Variants in CEP85L observed in about 807,000 individuals in gnomAD.
The protein encoded by CEP85L is centrosomal protein of 85 kDa-like.
A neutral mutation model predicts 100.3 loss-of-function variants in CEP85L; 60 were observed. The ratio of observed to expected loss-of-function variants is 0.60; its 90% confidence interval spans 0.49 to 0.74. The LOEUF (loss-of-function observed/expected upper bound fraction) is 0.74, where lower values mean the gene tolerates loss of function less well. Among genes scored for constraint, CEP85L ranks in the 30% least tolerant of loss-of-function variants. CEP85L has a pLI of 0.00. For missense variants in CEP85L, 973 were observed against 936.2 expected, an observed-to-expected ratio of 1.04 and a Z score of -0.51; for synonymous variants, 319 against 322.7, an observed-to-expected ratio of 0.99 and a Z score of 0.12.
Position 118,565,822 on chromosome 6 carries a change from A to T in CEP85L, c.727T>A (p.Ser243Thr). The T allele has an allele frequency of 6.2e-7, 1 of 1,614,110 alleles. No homozygotes were observed. The change falls in exon 3 of 13, where the codon TCT (serine) becomes ACT (threonine). Residue 243 changes from serine to threonine, a missense_variant. Physicochemically the swap from Ser to Thr is moderately conservative, Grantham distance 58. Around this residue, in one of 3 missense-constraint regions of CEP85L, gnomAD observed 890 missense variants for 844.5 expected, o/e 1.05. Transcript: ENST00000368491. ...GGCTGTCTCCTAAGAGTAGAGGAAG[A>T]GGCTCTAAAGTCCTCCTTGCTACAG... ...ESCSKEDFRA[S>T]SSTLRRQPVD...
chr6:118,622,171 G>A (rs1478972152), intron 2 of CEP85L, among the ~76,000 whole-genome samples: 1 of 152,184 alleles, frequency 6.6e-6, no homozygotes, highest in South Asian at 2.1e-4. Context: ...TAGTATCAGA[G>A]ACTATCAAAA....
At chr6:118,637,592 G>A (rs879091350) in intron 1 of CEP85L, among the ~76,000 whole-genome samples, 1 of 148,558 alleles carries the variant, frequency 6.7e-6, no homozygotes, top group East Asian at 2.0e-4. Flanking sequence ...GCACATGCCT[G>A]TAGTCTCAGC....
At chr6:118,601,174 C>T (rs529412881) in intron 2 of CEP85L, among the ~76,000 whole-genome samples, 2 of 152,302 alleles carry the variant, frequency 1.3e-5, no homozygotes, top group African/African-American at 4.8e-5. Context: ...ACAGTGCCTA[C>T]CTCATATGGT....
upstream of CEP85L, chr6:118,651,733 C>T: frequency 1.0e-6 from 1 of 986,642 alleles, no homozygotes; most frequent in Non-Finnish European, 1.2e-6. Context: ...GTGAGCTACC[C>T]CGACCCCGCT....
intron 3 of CEP85L, among the ~76,000 whole-genome samples, chr6:118,530,385 G>GAA (rs59307210): frequency 1.9e-4 from 24 of 128,272 alleles, no homozygotes; most frequent in African/African-American, 5.9e-4. Context: ...GCCATGTATG[G>GAA]AAAAAAAAAA....
chr6:118,675,625 G>A (rs1776458418), intron 1 of CEP85L, among the ~76,000 whole-genome samples: 1 of 151,732 alleles, frequency 6.6e-6, no homozygotes. Context: ...CATGGAAGCT[G>A]GGCACAGTGG....
Position 118,566,168 on chromosome 6 carries a change from T to G in CEP85L, c.381A>C (p.Thr127=), listed in dbSNP as rs1320655065. 1 of 1,614,192 alleles carries G rather than the reference T, an allele frequency of 6.2e-7. No homozygotes were observed. The highest frequency in any genetic ancestry group is 1.1e-5 in the South Asian group (1 of 91,090). ...SLTPDGSKWS[T]SLMQTLGNHS... ...GGTTTCCCAATGTTTGCATGAGGCT[T>G]GTACTCCATTTTGAGCCATCTGGTG... Residue 127 remains threonine, a synonymous_variant, in exon 3 of 13, where the codon ACA becomes ACC. Transcript: ENST00000368491.
At chr6:118,708,581 T>C (rs964628517) in intron 1 of CEP85L, among the ~76,000 whole-genome samples, 4 of 152,212 alleles carry the variant, frequency 2.6e-5, no homozygotes, top group African/African-American at 7.2e-5. Context: ...GAGTCTATTA[T>C]TAAATGGTAG....
chr6:118,527,197 G>T (rs1185025461), intron 3 of CEP85L, among the ~76,000 whole-genome samples: 1 of 151,682 alleles, frequency 6.6e-6, no homozygotes, highest in Non-Finnish European at 1.5e-5. Flanking sequence ...AGAGACGGAG[G>T]TTTCTCCATG....
At chr6:118,607,821 G>A (rs1772330164) in intron 2 of CEP85L, among the ~76,000 whole-genome samples, 1 of 152,120 alleles carries the variant, frequency 6.6e-6, no homozygotes, top group South Asian at 2.1e-4. Flanking sequence ...TGTGGTTCAT[G>A]AGAAAGATGT....
chr6:118,549,052 C>A (rs1778378903), intron 3 of CEP85L, among the ~76,000 whole-genome samples: 1 of 151,814 alleles, frequency 6.6e-6, no homozygotes, highest in African/African-American at 2.4e-5. Context: ...ATATTAAATT[C>A]AATATTGTAT....
intron 2 of CEP85L, among the ~76,000 whole-genome samples, chr6:118,579,982 G>A (rs537493814): frequency 2.6e-5 from 4 of 151,718 alleles, no homozygotes; most frequent in South Asian, 2.1e-4. Context: ...ACATCATGGT[G>A]CCCTGCATTT....
At chr6:118,688,975 C>T (rs920696715) in intron 1 of CEP85L, among the ~76,000 whole-genome samples, 1 of 152,248 alleles carries the variant, frequency 6.6e-6, no homozygotes, top group African/African-American at 2.4e-5. Context: ...TCCACACTTC[C>T]TTCAAATGGA....
intron 1 of CEP85L, among the ~76,000 whole-genome samples, chr6:118,694,997 AT>A (rs1211486608): frequency 6.6e-6 from 1 of 152,126 alleles, no homozygotes; most frequent in Non-Finnish European, 1.5e-5. Context: ...TTAAATTTTT[AT>A]TGTAGACATG....
At chr6:118,600,555 C>G (rs1162164354) in intron 2 of CEP85L, among the ~76,000 whole-genome samples, 1 of 151,482 alleles carries the variant, frequency 6.6e-6, no homozygotes, top group African/African-American at 2.4e-5. Flanking sequence ...CTCCTGACCT[C>G]AGGTGATCCA....
chr6:118,481,807 C>G lies in CEP85L; in HGVS notation c.1717G>C (p.Glu573Gln). Residue 573 changes from glutamate (E) to glutamine (Q), a missense_variant, in exon 8 of 13, where the codon GAA becomes CAA. Transcript: ENST00000368491. ...ETQLICQKKK[E>Q]KELVTTVQSL... ...TGAACGGTAGTTACTAACTCCTTTT[C>G]TTTCTTTTTCTGGCATATTAACTGT... is the stretch of plus-strand genomic sequence containing the variant. The G allele has an allele frequency of 6.3e-7, 1 of 1,589,392 alleles. No individual in the cohort carries two copies. The highest frequency in any genetic ancestry group is 8.6e-7 in the Non-Finnish European group (1 of 1,169,534).
intron 3 of CEP85L, among the ~76,000 whole-genome samples, chr6:118,547,781 C>T (rs1778292291): frequency 6.6e-6 from 1 of 151,930 alleles, no homozygotes; most frequent in African/African-American, 2.4e-5. Context: ...TCTCATACTC[C>T]TTCTCCCATA....
At chr6:118,558,691 A>G (rs1779046721) in intron 3 of CEP85L, 1 of 550,238 alleles carries the variant, frequency 1.8e-6, no homozygotes, top group East Asian at 3.2e-5. Flanking sequence ...AGAGAGAGGG[A>G]GAGAGACTAT....
intron 1 of CEP85L, among the ~76,000 whole-genome samples, chr6:118,677,979 A>T (rs1353876808): frequency 6.6e-6 from 1 of 152,216 alleles, no homozygotes; most frequent in East Asian, 1.9e-4. Flanking sequence ...ATTTATGATC[A>T]AGCTATTTCC....
Sources: gnomAD v4.1 joint callset for allele counts (sites outside exome capture counted in the v4.1 genomes callset) on GRCh38, gnomAD v4.1.1 for gene constraint, gnomAD v4.1.1 regional missense constraint, MANE v1.5 for transcripts, NCBI Gene and HGNC (gene_info 2026-07-23, HGNC 2026-07-21) for gene names.